WDHD1: variants seen among roughly 807,000 people sequenced by gnomAD.
WDHD1 encodes the protein WD repeat and HMG-box DNA-binding protein 1.
In WDHD1, 111 loss-of-function variants were observed where a neutral mutation model predicts 135.4. The ratio of observed to expected loss-of-function variants is 0.82; its 90% CI spans 0.70 to 0.96. The LOEUF is 0.96. Ranked by LOEUF, WDHD1 falls within the 40% of genes least tolerant of loss-of-function variation. The pLI, the probability that WDHD1 is intolerant of heterozygous loss-of-function variation, is 0.00. For synonymous variants in WDHD1, 434 were observed against 439.0 expected (o/e 0.99, Z 0.14); for missense variants, 1,351 against 1,336.3 (o/e 1.01, Z -0.17).
intron 2 of WDHD1, 70 bp from the exon 3 acceptor site, chr14:55,013,666 G>T: frequency 8.3e-7 from 1 of 1,200,932 alleles, no homozygotes; most frequent in Non-Finnish European, 1.2e-6. Context: ...AGCACTTTGG[G>T]AGTACAAGGT....
chr14:55,021,008 G>A (rs1481251791), intron 2 of WDHD1, among the ~76,000 whole-genome samples: 3 of 152,198 alleles, frequency 2.0e-5, no homozygotes, highest in African/African-American at 7.2e-5. Context: ...ACGAAGAGGA[G>A]TTGGTCTTAC....
At position 55,000,894 on chromosome 14, in the gene WDHD1, G is replaced by A. The variant is rs755663977; in HGVS notation, c.792C>T (p.Cys264=). The change falls in exon 9 of 26, where the codon TGC becomes TGT. Residue 264 remains cysteine, a synonymous_variant. Coordinates refer to ENST00000360586, the MANE Select transcript of WDHD1 (RefSeq NM_007086.4). ...IIVWNVETKD[C]MERVKHEKGY... Reference sequence around the variant, plus strand: ...GATACACTAAATCATACCTTTCCATGCAGTCTTTGGTTTCCACATTCCAAA... The same window carrying A: ...GATACACTAAATCATACCTTTCCATACAGTCTTTGGTTTCCACATTCCAAA... The A allele has an allele frequency of 7.0e-6, 11 of 1,564,574 alleles. No individual in the cohort carries two copies. The highest frequency in any genetic ancestry group is 1.4e-5 in the African/African-American group (1 of 72,814).
At chr14:54,972,357 C>A (rs59323730) in intron 16 of WDHD1, among the ~76,000 whole-genome samples, 1 of 149,428 alleles carries the variant, frequency 6.7e-6, no homozygotes, top group African/African-American at 2.5e-5. Flanking sequence ...GCAGGCAGAT[C>A]ACTTGAGGCC....
intron 21 of WDHD1, among the ~76,000 whole-genome samples, chr14:54,959,275 G>T (rs893206208): frequency 6.6e-6 from 1 of 150,442 alleles, no homozygotes; most frequent in African/African-American, 2.4e-5. Context: ...ACACATGCCT[G>T]TGGTCCTAGT....
At chr14:55,005,018 C>T in intron 7 of WDHD1, 1 of 545,082 alleles carries the variant, frequency 1.8e-6, no homozygotes, top group South Asian at 1.4e-5. Context: ...TCCATTCACC[C>T]TGAAATTCCT....
In WDHD1 at chr14:55,026,823, G is replaced by C; in HGVS notation, c.-16-20C>G. On this transcript the variant is annotated intron_variant, in intron 1 of 25. Coordinates refer to ENST00000360586, the MANE Select transcript of WDHD1 (RefSeq NM_007086.4). ...ACCTATCTGAAAATGTTTTATAAAA[G>C]CCAGTCTTATTATTTCAAAAGAGAA... 1 of 1,609,822 alleles carries C rather than the reference G, an allele frequency of 6.2e-7. No individual in the cohort carries two copies. The highest frequency in any genetic ancestry group is 8.5e-7 in the Non-Finnish European group (1 of 1,176,076).
chr14:54,954,240 C>T (rs1374586542), intron 24 of WDHD1, among the ~76,000 whole-genome samples: 1 of 152,048 alleles, frequency 6.6e-6, no homozygotes, highest in Non-Finnish European at 1.5e-5. Flanking sequence ...GAGCCAAGAT[C>T]GTGCCAATGC....
At chr14:54,954,060 A>G (rs2041109984) in intron 24 of WDHD1, among the ~76,000 whole-genome samples, 1 of 152,032 alleles carries the variant, frequency 6.6e-6, no homozygotes, top group Non-Finnish European at 1.5e-5. Flanking sequence ...ACATGTGTAC[A>G]TATGTAACAA....
rs1322189854 is a variant in WDHD1, at chr14:54,995,793, C to CT, written c.962dup (p.Asp322GlyfsTer3). The stretch of plus-strand genomic sequence containing the variant: ...CTCCATCAAAAAGATCATTATAATC[C>CT]TTTTCCACTCTGCTAGATACCTTGA... On this transcript the variant is annotated frameshift_variant, in exon 11 of 26. Transcript: ENST00000360586. LOFTEE classifies it high-confidence loss of function. 1.2e-6 allele frequency: 2 copies of CT among 1,601,564 alleles called. No homozygotes were observed. The highest frequency in any genetic ancestry group is 1.7e-6 in the Non-Finnish European group (2 of 1,174,010).
intron 17 of WDHD1, 135 bp from the exon 18 acceptor site, chr14:54,966,741 A>G (rs1255123887): frequency 2.8e-6 from 3 of 1,071,862 alleles, no homozygotes; most frequent in African/African-American, 1.6e-5. Flanking sequence ...TTATTTTACA[A>G]TTTAAATTCT....
At chr14:55,011,053 TC>T (rs2140224482) in intron 3 of WDHD1, among the ~76,000 whole-genome samples, 1 of 152,340 alleles carries the variant, frequency 6.6e-6, no homozygotes, top group Admixed American at 6.5e-5. Flanking sequence ...CACCTTGATT[TC>T]AGACTTCTTG....
At chr14:54,959,308 AGATCGCTTG>A (rs142951018) in intron 21 of WDHD1, among the ~76,000 whole-genome samples, 12,430 of 149,962 alleles carry the variant, frequency 0.083, 646 homozygotes, top group South Asian at 0.14. Context: ...TGAGGTGGAA[AGATCGCTTG>A]GGTCTGGGGG....
At chr14:55,005,498 G>T in intron 7 of WDHD1, 1 of 565,056 alleles carries the variant, frequency 1.8e-6, no homozygotes, top group South Asian at 1.4e-5. Flanking sequence ...AGCAACAATG[G>T]CACAAGCTCC....
At position 54,962,504 on chromosome 14, in the gene WDHD1, T is replaced by A. The variant is rs1172896163; in HGVS notation, c.2695A>T (p.Lys899Ter). ...ATTTATAAATATTTCTCACCTGACT[T>A]AGCTGAAACATCAGAGGAATTTGTA... ...KSTNSSDVSAKSGAVTFSSQG... is the reference protein window; with the variant it reads ...KSTNSSDVSA Residue 899 changes from lysine (K) to a stop codon, truncating the protein, a stop_gained, in exon 21 of 26, where the codon AAG becomes TAG. Coordinates refer to ENST00000360586, the MANE Select transcript of WDHD1 (RefSeq NM_007086.4). LOFTEE classifies it high-confidence loss of function. The A allele has an allele frequency of 1.2e-6, 2 of 1,608,524 alleles. No homozygotes were observed. The highest frequency in any genetic ancestry group is 2.7e-5 in the African/African-American group (2 of 74,696).
chr14:54,949,395 G>A (rs1193200962), intron 24 of WDHD1, among the ~76,000 whole-genome samples: 3 of 152,164 alleles, frequency 2.0e-5, no homozygotes, highest in Admixed American at 2.0e-4. Context: ...TGGAAGAAAG[G>A]GTATCAGTGA....
intron 16 of WDHD1, among the ~76,000 whole-genome samples, chr14:54,969,633 G>A (rs575778763): frequency 2.0e-5 from 3 of 152,184 alleles, no homozygotes; most frequent in Admixed American, 6.6e-5. Flanking sequence ...AATTCTAGAT[G>A]CACAAAGAAC....
chr14:55,013,440 A>G (rs111816263), intron 3 of WDHD1, 45 bp downstream of exon 3: 17 of 1,309,418 alleles, frequency 1.3e-5, no homozygotes, highest in African/African-American at 1.0e-4. Context: ...TAAAAATCAC[A>G]TGCCAGTATC....
intron 6 of WDHD1, 123 bp from the exon 7 acceptor site, chr14:55,007,498 C>A: frequency 1.5e-6 from 1 of 653,490 alleles, no homozygotes; most frequent in Non-Finnish European, 2.5e-6. Context: ...CAACTTAATG[C>A]ACCTTAATTA....
chr14:54,948,451 T>TTGC, intron 24 of WDHD1, among the ~76,000 whole-genome samples: 1 of 152,216 alleles, frequency 6.6e-6, no homozygotes. Context: ...GCCTCACTCA[T>TTGC]TGCTAGCACA....
Sources: gnomAD v4.1 joint callset for allele counts (sites outside exome capture counted in the v4.1 genomes callset) on GRCh38, gnomAD v4.1.1 for gene constraint, MANE v1.5 for transcripts, NCBI Gene and HGNC (gene_info 2026-07-23, HGNC 2026-07-21) for gene names.